MEPCE: variants seen among roughly 807,000 people sequenced by gnomAD.
MEPCE encodes methylphosphate capping enzyme.
Under a neutral mutation model 52.3 loss-of-function variants are expected in MEPCE, and 9 were observed. The ratio of observed to expected loss-of-function variants is 0.17; its 90% CI spans 0.10 to 0.30. The LOEUF (loss-of-function observed/expected upper bound fraction) is 0.30, where lower values mean the gene tolerates loss of function less well. MEPCE is among the 10% of genes least tolerant of loss of function. The probability of loss-of-function intolerance (pLI) is 1.00; values close to 1 mark genes in which losing one functional copy is unlikely to be tolerated. For missense variants in MEPCE, 826 were observed against 933.0 expected, an observed-to-expected ratio of 0.89 and a Z score of 1.49; for synonymous variants, 477 against 401.6, an observed-to-expected ratio of 1.19 and a Z score of -2.25.
In MEPCE at chr7:100,431,458, C is replaced by T; in HGVS notation, c.1440C>T (p.Ile480=). The T allele has an allele frequency of 1.2e-6, 2 of 1,613,834 alleles. No homozygotes were observed. Among genetic ancestry groups the T allele is most frequent in the Non-Finnish European group, 1.7e-6 (2 of 1,180,032 alleles). The change falls in exon 1 of 4, where the codon ATC becomes ATT. Residue 480 remains isoleucine, a synonymous_variant. Coordinates refer to ENST00000310512, the MANE Select transcript of MEPCE (RefSeq NM_019606.6). ...MVGLDIDSRL[I]HSARQNIRHY... ...GCCTGGATATCGATTCCCGGCTCATCCATTCTGCCCGCCAAAACATCCGAC... is the reference window on the plus strand; with the variant it reads ...GCCTGGATATCGATTCCCGGCTCATTCATTCTGCCCGCCAAAACATCCGAC...
rs763090950 is a variant in MEPCE at position 100,430,882 on chromosome 7, C to T, written c.864C>T (p.Ala288=). ...GSESHPVPPT[A]PLTPLLHGEG... Reference sequence around the variant, plus strand: ...AGAGTCACCCCGTGCCGCCCACAGCCCCTCTCACCCCCTTACTCCACGGGG... The same window carrying T: ...AGAGTCACCCCGTGCCGCCCACAGCTCCTCTCACCCCCTTACTCCACGGGG... Residue 288 remains alanine, a synonymous_variant, in exon 1 of 4, where the codon GCC becomes GCT. Transcript: ENST00000310512. 2 of 1,608,762 alleles carry T rather than the reference C, an allele frequency of 1.2e-6. No individual in the cohort carries two copies. Among genetic ancestry groups the T allele is most frequent in the Non-Finnish European group, 1.7e-6 (2 of 1,176,652 alleles).
In MEPCE at chr7:100,431,709, C is replaced by G; in HGVS notation, c.1671+20C>G. The G allele has an allele frequency of 6.4e-7, 1 of 1,553,542 alleles. No homozygotes were observed. The highest frequency in any genetic ancestry group is 8.7e-7 in the Non-Finnish European group (1 of 1,152,886). On this transcript the variant is annotated intron_variant, in intron 1 of 3. Transcript: ENST00000310512. Reference sequence around the variant, plus strand: ...GTCACGGTAAGAGGGTCCAGAGGCTCTTGGAATAGGGGCCAGGTGTGAAGA... The same window carrying G: ...GTCACGGTAAGAGGGTCCAGAGGCTGTTGGAATAGGGGCCAGGTGTGAAGA...
rs41280974 is a variant in MEPCE at position 100,433,209 on chromosome 7, C to G, written c.1891-54C>G. 4.3e-6 allele frequency: 7 copies of G among 1,613,720 alleles called. No homozygotes were observed. The Middle Eastern group carries it at 6.6e-4, about 152-fold the overall frequency. ...AAAAGGCCCCGAGGTGGGCATCGCC[C>G]TTGGCCAGGGGAGGCGGCAGCGTGC... On this transcript the variant is annotated intron_variant, in intron 2 of 3. Transcript: ENST00000310512.
chr7:100,429,070 T>G (rs1798314023), upstream of MEPCE: 1 of 152,260 alleles, frequency 6.6e-6, no homozygotes, highest in African/African-American at 2.4e-5. Context: ...CGCGTTTTAC[T>G]GAGCCCAGTT....
rs991786242 is a variant in MEPCE at position 100,431,209 on chromosome 7, C to T, written c.1191C>T (p.His397=). 2.8e-5 allele frequency: 45 copies of T among 1,613,824 alleles called. No homozygotes were observed. Among genetic ancestry groups the T allele is most frequent in the Non-Finnish European group, 3.8e-5 (45 of 1,180,018 alleles). Residue 397 remains histidine (H), a synonymous_variant, in exon 1 of 4, where the codon CAC becomes CAT. Transcript: ENST00000310512. ...GGAGTTGGGGAGGCCGCCACCACCA[C>T]CACCACCCACTGCCTGCAGCAGGCT... ...GRGSWGGRHH[H]HHPLPAAGFK...
In MEPCE at chr7:100,431,221, G is replaced by T; in HGVS notation, c.1203G>T (p.Leu401=). The change falls in exon 1 of 4, where the codon CTG becomes CTT. Residue 401 remains leucine (L), a synonymous_variant. Coordinates refer to ENST00000310512, the MANE Select transcript of MEPCE (RefSeq NM_019606.6). ...GCCGCCACCACCACCACCACCCACTGCCTGCAGCAGGCTTCAAAAAGCAAC... is the reference window on the plus strand; with the variant it reads ...GCCGCCACCACCACCACCACCCACTTCCTGCAGCAGGCTTCAAAAAGCAAC... The part of the protein sequence containing the change: ...WGGRHHHHHP[L]PAAGFKKQQR... 6.2e-7 allele frequency: 1 copy of T among 1,614,020 alleles called. No homozygotes were observed. Among genetic ancestry groups the T allele is most frequent in the Non-Finnish European group, 8.5e-7 (1 of 1,180,018 alleles).
Position 100,429,993 on chromosome 7 carries a change from C to T in MEPCE, c.-26C>T, listed in dbSNP as rs1360118696. 1.6e-6 allele frequency: 2 copies of T among 1,245,820 alleles called. No homozygotes were observed. Among genetic ancestry groups the T allele is most frequent in the East Asian group, 3.2e-5 (1 of 31,724 alleles). The allele number at this position is 1,245,820 out of a possible 1,614,324, so 77.2% of individuals were successfully genotyped here. A position where few individuals can be genotyped will look rare whatever the true frequency, so the allele number is the denominator to read the frequency against. ...GGCCCCCTGATCCCCCTCGTTACCC[C>T]GACTGGCACGGAATAAGGGGAGGAA... is the stretch of plus-strand genomic sequence containing the variant. On this transcript the variant is annotated 5_prime_UTR_variant, in exon 1 of 4. Transcript: ENST00000310512.
At position 100,433,483 on chromosome 7, in the gene MEPCE, T is replaced by A; in HGVS notation, c.2018-19T>A. 1 of 1,614,072 alleles carries A rather than the reference T, an allele frequency of 6.2e-7. No individual in the cohort carries two copies. Among genetic ancestry groups the A allele is most frequent in the South Asian group, 1.1e-5 (1 of 91,070 alleles). ...TTGAGGTGCTGCCAACCCCTTCTGA[T>A]CACTCTCTCTCCCCTCAGGCTTCCA... On this transcript the variant is annotated intron_variant, in intron 3 of 3. Coordinates refer to ENST00000310512, the MANE Select transcript of MEPCE (RefSeq NM_019606.6).
At position 100,430,687 on chromosome 7, in the gene MEPCE, G is replaced by A; in HGVS notation, c.669G>A (p.Gly223=). The A allele has an allele frequency of 1.2e-6, 2 of 1,613,806 alleles. No individual in the cohort carries two copies. Among genetic ancestry groups the A allele is most frequent in the Non-Finnish European group, 1.7e-6 (2 of 1,180,004 alleles). The change falls in exon 1 of 4, where the codon GGG becomes GGA. Residue 223 remains glycine (G), a synonymous_variant. Transcript: ENST00000310512. ...AGTCATCCCCCCTTCCGGCCAAAGG[G>A]CGAGATCCGGTGGAGATCCTCATCC... ...TPKSSPLPAK[G]RDPVEILIPK...
upstream of MEPCE, chr7:100,429,251 GCGTTTACCAAACTTAAGGAAGCGACGT>G (rs1798367115): frequency 1.3e-5 from 2 of 152,242 alleles, no homozygotes; most frequent in African/African-American, 4.8e-5. Context: ...GACGCACGCT[GCGTTTACCAAACTTAAGGAAGCGACGT>G]CACAGGCCCA....
At chr7:100,432,174 C>T (rs1340633278) in intron 1 of MEPCE, among the ~76,000 whole-genome samples, 3 of 152,130 alleles carry the variant, frequency 2.0e-5, no homozygotes, top group Non-Finnish European at 4.4e-5. Context: ...CTTTTGTTTT[C>T]CTAGACAGTT....
chr7:100,430,063 C>CCCG lies in MEPCE; in HGVS notation c.56_58dup (p.Pro19dup), dbSNP rs571117263. On this transcript the variant is annotated inframe_insertion, in exon 1 of 4. Coordinates refer to ENST00000310512, the MANE Select transcript of MEPCE (RefSeq NM_019606.6). ...AGAAGGAGCCGTTTCTGGTGCCGGCCCCGCCGCCGCCGCTCAAAGATGAGT... is the reference window on the plus strand; with the variant it reads ...AGAAGGAGCCGTTTCTGGTGCCGGCCCCGCCGCCGCCGCCGCTCAAAGATGAGT... The CCCG allele has an allele frequency of 8.4e-5, 107 of 1,266,802 alleles. No homozygotes were observed. Among genetic ancestry groups the CCCG allele is most frequent in the African/African-American group, 7.7e-4 (50 of 64,710 alleles). The allele number at this position is 1,266,802 out of a possible 1,614,324, so 78.5% of individuals were successfully genotyped here. A position where few individuals can be genotyped will look rare whatever the true frequency, so the allele number is the denominator to read the frequency against.
intron 1 of MEPCE, among the ~76,000 whole-genome samples, chr7:100,432,377 T>C (rs1798743781): frequency 6.6e-6 from 1 of 152,110 alleles, no homozygotes; most frequent in Non-Finnish European, 1.5e-5. Flanking sequence ...TCTTTGGCAT[T>C]GTGTTGGGTT....
rs748372266 is a variant in MEPCE at position 100,431,398 on chromosome 7, C to T, written c.1380C>T (p.Ser460=). 37 of 1,614,042 alleles carry T rather than the reference C, an allele frequency of 2.3e-5. No individual in the cohort carries two copies. In the Admixed American group the frequency reaches 2.7e-4, roughly 12 times the overall value. ...GCAATGTGGGCCATCTGACCCTGAGCATTGCCTGCAAGTGGGGCCCGTCCC... is the reference window on the plus strand; with the variant it reads ...GCAATGTGGGCCATCTGACCCTGAGTATTGCCTGCAAGTGGGGCCCGTCCC... ...LGCNVGHLTL[S]IACKWGPSRM... is the part of the protein sequence containing the mutation. The change falls in exon 1 of 4, where the codon AGC becomes AGT. Residue 460 remains serine (S), a synonymous_variant. Coordinates refer to ENST00000310512, the MANE Select transcript of MEPCE (RefSeq NM_019606.6).
At chr7:100,429,647 C>T (rs547463117), upstream of MEPCE, 1,276 of 195,954 alleles carry the variant, frequency 6.5e-3, 17 homozygotes, top group South Asian at 8.8e-3. Flanking sequence ...ACTCCCAGAG[C>T]CGTTAAGTTG....
Position 100,431,393 on chromosome 7 carries a change from C to G in MEPCE, c.1375C>G (p.Leu459Val). Residue 459 changes from leucine (L) to valine (V), a missense_variant, in exon 1 of 4, where the codon CTG (leucine) becomes GTG (valine). Coordinates refer to ENST00000310512, the MANE Select transcript of MEPCE (RefSeq NM_019606.6). Reference protein sequence around the residue: ...DLGCNVGHLTLSIACKWGPSR... With the variant: ...DLGCNVGHLTVSIACKWGPSR... ...GGGCTGCAATGTGGGCCATCTGACC[C>G]TGAGCATTGCCTGCAAGTGGGGCCC... 1 of 1,614,184 alleles carries G rather than the reference C, an allele frequency of 6.2e-7. No individual in the cohort carries two copies. Among genetic ancestry groups the G allele is most frequent in the Non-Finnish European group, 8.5e-7 (1 of 1,180,046 alleles).
intron 1 of MEPCE, 80 bp downstream of exon 1, chr7:100,431,769 G>A: frequency 1.5e-6 from 2 of 1,333,844 alleles, no homozygotes; most frequent in Non-Finnish European, 2.0e-6. Context: ...GGAAGGTTAT[G>A]ACCCAGATCC....
chr7:100,431,082 C>A lies in MEPCE; in HGVS notation c.1064C>A (p.Pro355His). ...APPAASVISA[P>H]PSSSSRHRKR... is the part of the protein sequence containing the mutation. Reference sequence around the variant, plus strand: ...CCAGCTGCCTCAGTTATCTCTGCACCCCCATCTTCCTCCTCCCGACATCGC... The same window carrying A: ...CCAGCTGCCTCAGTTATCTCTGCACACCCATCTTCCTCCTCCCGACATCGC... The change falls in exon 1 of 4, where the codon CCC becomes CAC. Residue 355 changes from proline to histidine, a missense_variant. This residue lies in a region of MEPCE where 307 missense variants were observed against 292.1 expected (regional missense o/e 1.05). Coordinates refer to ENST00000310512, the MANE Select transcript of MEPCE (RefSeq NM_019606.6). 3.1e-6 allele frequency: 5 copies of A among 1,613,804 alleles called. No individual in the cohort carries two copies. Among genetic ancestry groups the A allele is most frequent in the Non-Finnish European group, 4.2e-6 (5 of 1,180,036 alleles).
chr7:100,432,836 T>C lies in MEPCE; in HGVS notation c.1672-83T>C, dbSNP rs1024090787. ...ACGGGCTAAAGTGAGGCCGCGGGAC[T>C]GTATCGGCCTCAGAGCAGGTTGCCT... On this transcript the variant is annotated intron_variant, in intron 1 of 3. Transcript: ENST00000310512. 23 of 1,244,464 alleles carry C rather than the reference T, an allele frequency of 1.8e-5. No individual in the cohort carries two copies. In the East Asian group the frequency reaches 2.8e-4, roughly 15 times the overall value. The allele number at this position is 1,244,464 out of a possible 1,614,324, so 77.1% of individuals were successfully genotyped here.
Sources: gnomAD v4.1 joint callset for allele counts (sites outside exome capture counted in the v4.1 genomes callset) on GRCh38, gnomAD v4.1.1 for gene constraint, gnomAD v4.1.1 regional missense constraint, MANE v1.5 for transcripts, NCBI Gene and HGNC (gene_info 2026-07-23, HGNC 2026-07-21) for gene names.